Variants in RNFT2 observed in about 807,000 individuals in gnomAD.
The protein encoded by RNFT2 is E3 ubiquitin-protein ligase RNFT2.
RNFT2 carries 36 observed loss-of-function variants against 53.0 expected under a neutral mutation model. The observed-to-expected ratio is 0.68, with a 90% CI of 0.52 to 0.90. RNFT2 has a LOEUF of 0.90. Among genes scored for constraint, RNFT2 ranks in the 40% least tolerant of loss-of-function variants. The pLI is 0.00. For missense variants in RNFT2, 514 were observed against 585.6 expected (o/e 0.88, Z 1.26); for synonymous variants, 260 against 253.2 (o/e 1.03, Z -0.26).
chr12:116,810,644 G>T (rs1875327509), intron 7 of RNFT2, among the ~76,000 whole-genome samples: 1 of 152,172 alleles, frequency 6.6e-6, no homozygotes, highest in Non-Finnish European at 1.5e-5. Context: ...CTGCTGTGGG[G>T]TGCTGGGGGA....
rs140277175 is a variant in RNFT2 at position 116,785,910 on chromosome 12, T to C, written c.882+6562T>C. ...CAAAAAATACAAAAAAAAATTGGCC[T>C]GATGTGGTGTACATGACTGTAGTCC... is the stretch of plus-strand genomic sequence containing the variant. On this transcript the variant is annotated intron_variant, in intron 7 of 10. Coordinates refer to ENST00000257575, the MANE Select transcript of RNFT2 (RefSeq NM_001382266.1). 2.8e-3 allele frequency among the ~76,000 whole-genome samples: 420 copies of C among 151,902 alleles called. 3 individuals are homozygous for C. Among genetic ancestry groups the C allele is most frequent in the African/African-American group, 8.3e-3 (344 of 41,444 alleles).
At chr12:116,834,226 T>C (rs1223373754) in intron 8 of RNFT2, among the ~76,000 whole-genome samples, 1 of 152,122 alleles carries the variant, frequency 6.6e-6, no homozygotes, top group East Asian at 1.9e-4. Flanking sequence ...CAAGTGACTC[T>C]CTTGCCTCAG....
At chr12:116,818,636 G>C (rs1875823352) in intron 7 of RNFT2, among the ~76,000 whole-genome samples, 1 of 152,180 alleles carries the variant, frequency 6.6e-6, no homozygotes, top group Non-Finnish European at 1.5e-5. Context: ...GAGAAGGGAG[G>C]GTGTATCGTC....
chr12:116,811,255 T>C (rs1038633810), intron 7 of RNFT2, among the ~76,000 whole-genome samples: 1 of 152,082 alleles, frequency 6.6e-6, no homozygotes. Context: ...AAAAGAAATA[T>C]TCCTGTTTAC....
chr12:116,845,243 CAAAA>C (rs66920809), intron 10 of RNFT2, among the ~76,000 whole-genome samples: 88 of 82,750 alleles, frequency 1.1e-3, no homozygotes, highest in African/African-American at 2.1e-3. Context: ...GACCCGGTTT[CAAAA>C]AAAAAAAAAA....
intron 5 of RNFT2, among the ~76,000 whole-genome samples, chr12:116,766,173 T>G (rs1326828788): frequency 6.6e-6 from 1 of 152,110 alleles, no homozygotes; most frequent in African/African-American, 2.4e-5. Flanking sequence ...TGCTAGCTAC[T>G]TAGGATGCTG....
chr12:116,841,812 TATATAA>T (rs1877286562), intron 10 of RNFT2, among the ~76,000 whole-genome samples: 11 of 80,386 alleles, frequency 1.4e-4, no homozygotes, highest in South Asian at 1.0e-3. Context: ...TATAAATATA[TATATAA>T]AAATATATAT....
At chr12:116,774,989 C>T (rs1052096167) in intron 6 of RNFT2, among the ~76,000 whole-genome samples, 12 of 151,686 alleles carry the variant, frequency 7.9e-5, no homozygotes, top group Admixed American at 2.0e-4. Flanking sequence ...AGGCCATGTG[C>T]GGTGGCTCAC....
chr12:116,748,105 G>A (rs1049332443), intron 3 of RNFT2, among the ~76,000 whole-genome samples: 1 of 152,016 alleles, frequency 6.6e-6, no homozygotes, highest in Non-Finnish European at 1.5e-5. Flanking sequence ...CAGGAGAATC[G>A]CTTGAACCTG....
chr12:116,750,819 TTATATATATA>T (rs1566069305), intron 4 of RNFT2, among the ~76,000 whole-genome samples: 1 of 4,336 alleles, frequency 2.3e-4, no homozygotes, highest in African/African-American at 3.5e-4. Flanking sequence ...AATATATATA[TTATATATATA>T]ATATATATAT....
chr12:116,779,187 C>G lies in RNFT2; in HGVS notation c.729-8C>G, dbSNP rs772675497. 1.2e-6 allele frequency: 2 copies of G among 1,613,418 alleles called. No individual in the cohort carries two copies. Among genetic ancestry groups the G allele is most frequent in the African/African-American group, 1.3e-5 (1 of 74,886 alleles). ...GGAACCTTCTGACTCTCTCAATCCT[C>G]CCCCCAGCCTCATATTCCTGAAGCC... is the stretch of plus-strand genomic sequence containing the variant. On this transcript the variant is annotated splice_polypyrimidine_tract_variant and splice_region_variant and intron_variant, in intron 6 of 10. Coordinates refer to ENST00000257575, the MANE Select transcript of RNFT2 (RefSeq NM_001382266.1).
At chr12:116,756,267 T>C (rs1325184997) in intron 5 of RNFT2, among the ~76,000 whole-genome samples, 3 of 152,184 alleles carry the variant, frequency 2.0e-5, no homozygotes, top group African/African-American at 7.2e-5. Context: ...GTTGTCCTTG[T>C]AGAGGTTTTT....
intron 7 of RNFT2, among the ~76,000 whole-genome samples, chr12:116,785,927 C>T (rs1873913896): frequency 6.6e-6 from 1 of 151,988 alleles, no homozygotes; most frequent in Non-Finnish European, 1.5e-5. Context: ...GTGTACATGA[C>T]TGTAGTCCCA....
intron 6 of RNFT2, among the ~76,000 whole-genome samples, chr12:116,771,163 G>A (rs957279661): frequency 5.9e-5 from 9 of 151,956 alleles, no homozygotes; most frequent in Non-Finnish European, 1.0e-4. Context: ...TCCTCTAGAC[G>A]TTAAACATGT....
chr12:116,753,058 G>T (rs1271575102), intron 4 of RNFT2, among the ~76,000 whole-genome samples: 2 of 151,310 alleles, frequency 1.3e-5, no homozygotes, highest in Non-Finnish European at 1.5e-5. Context: ...GGTCATGTTT[G>T]TCTGTTAGCT....
chr12:116,826,472 G>A (rs939942827), intron 7 of RNFT2, among the ~76,000 whole-genome samples: 4 of 152,168 alleles, frequency 2.6e-5, no homozygotes, highest in African/African-American at 4.8e-5. Context: ...TTTGGTGGTC[G>A]TCAGAAATAA....
At chr12:116,754,393 G>A (rs1029809966) in intron 5 of RNFT2, among the ~76,000 whole-genome samples, 5 of 152,102 alleles carry the variant, frequency 3.3e-5, no homozygotes, top group South Asian at 4.1e-4. Context: ...TGATTGGTGG[G>A]CATTTGGGTT....
chr12:116,781,292 G>A (rs190441826), intron 7 of RNFT2, among the ~76,000 whole-genome samples: 16 of 152,204 alleles, frequency 1.1e-4, no homozygotes, highest in African/African-American at 3.1e-4. Context: ...TGACCTGCGC[G>A]AACTATATCA....
intron 7 of RNFT2, among the ~76,000 whole-genome samples, chr12:116,791,002 T>C (rs1213440070): frequency 6.6e-6 from 1 of 152,164 alleles, no homozygotes; most frequent in Non-Finnish European, 1.5e-5. Flanking sequence ...CATTAATCAT[T>C]TTAGAGTATG....
Sources: allele counts gnomAD v4.1 joint callset (sites outside exome capture counted in the v4.1 genomes callset), GRCh38; gene constraint gnomAD v4.1.1; transcripts MANE v1.5; gene names NCBI Gene and HGNC (gene_info 2026-07-23, HGNC 2026-07-21).